Variants in MCMDC2 observed in about 807,000 individuals in gnomAD.
MCMDC2 encodes minichromosome maintenance domain-containing protein 2.
MCMDC2 carries 54 observed loss-of-function variants against 75.8 expected under a neutral mutation model. That is an observed-to-expected ratio of 0.71 (90% CI 0.57 to 0.89). The LOEUF is 0.89. Ranked by LOEUF, MCMDC2 falls within the 40% of genes least tolerant of loss-of-function variation. The pLI is 0.00. For missense variants in MCMDC2, 656 were observed against 780.4 expected, an observed-to-expected ratio of 0.84 and a Z score of 1.90; for synonymous variants, 249 against 274.6, an observed-to-expected ratio of 0.91 and a Z score of 0.92.
chr8:66,897,413 AAAAAAAAG>A (rs369278034), intron 12 of MCMDC2, among the ~76,000 whole-genome samples: 3,851 of 151,568 alleles, frequency 0.025, 60 homozygotes, highest in Admixed American at 0.042. Flanking sequence ...TCTCAAAAAA[AAAAAAAAG>A]AAAAAAAGAA....
chr8:66,872,894 C>G (rs78347277), intron 1 of MCMDC2, among the ~76,000 whole-genome samples: 2 of 140,728 alleles, frequency 1.4e-5, no homozygotes, highest in Admixed American at 7.8e-5. Flanking sequence ...GGGGTGGAGA[C>G]TGGAGTGAGC....
intron 14 of MCMDC2, among the ~76,000 whole-genome samples, chr8:66,910,336 T>G (rs997431402): frequency 2.0e-5 from 3 of 152,158 alleles, no homozygotes; most frequent in Non-Finnish European, 4.4e-5. Context: ...CACCAACAGC[T>G]TGCACCATCA....
At chr8:66,877,672 C>G (rs1460431159) in intron 5 of MCMDC2, 128 bp downstream of exon 5, 2 of 613,350 alleles carry the variant, frequency 3.3e-6, no homozygotes, top group Admixed American at 3.8e-5. Context: ...TGAGACCAGC[C>G]TGGGCAACAT....
At position 66,900,308 on chromosome 8, in the gene MCMDC2, C is replaced by T. The variant is rs556446547; in HGVS notation, c.1627-898C>T. On this transcript the variant is annotated intron_variant, in intron 12 of 14. Transcript: ENST00000422365. ...AAAAAATTAGCTAGGCGTGGTGGTA[C>T]GCGCCTATAATCCCAGCTACTCGGG... Among the ~76,000 whole-genome samples the T allele has an allele frequency of 1.3e-3, 195 of 152,064 alleles. 3 individuals carry two copies. The South Asian group carries it at 0.017, about 13-fold the overall frequency.
intron 1 of MCMDC2, among the ~76,000 whole-genome samples, chr8:66,872,794 C>T (rs1429489128): frequency 6.6e-6 from 1 of 151,948 alleles, no homozygotes; most frequent in Non-Finnish European, 1.5e-5. Flanking sequence ...TCCGTCTCTA[C>T]TAAAAATACA....
intron 12 of MCMDC2, among the ~76,000 whole-genome samples, chr8:66,897,418 A>G (rs1812411410): frequency 6.9e-6 from 1 of 143,970 alleles, no homozygotes; most frequent in Non-Finnish European, 1.6e-5. Flanking sequence ...AAAAAAAAAA[A>G]AAGAAAAAAA....
chr8:66,898,649 A>G (rs1812477529), intron 12 of MCMDC2, among the ~76,000 whole-genome samples: 1 of 151,812 alleles, frequency 6.6e-6, no homozygotes, highest in Non-Finnish European at 1.5e-5. Context: ...AAAAAGATAC[A>G]TAAAATAGTT....
intron 8 of MCMDC2, among the ~76,000 whole-genome samples, chr8:66,883,020 A>T (rs544384034): frequency 6.6e-6 from 1 of 152,278 alleles, no homozygotes; most frequent in South Asian, 2.1e-4. Context: ...ATGGGCATGG[A>T]TGAGTTAGAG....
At chr8:66,879,343 AAC>A (rs1280412259) in intron 7 of MCMDC2, among the ~76,000 whole-genome samples, 16 of 152,220 alleles carry the variant, frequency 1.1e-4, no homozygotes. Context: ...CTGTAATCCC[AAC>A]ATTTTGAGAG....
intron 13 of MCMDC2, among the ~76,000 whole-genome samples, chr8:66,902,308 T>C (rs1345287221): frequency 6.6e-6 from 1 of 151,906 alleles, no homozygotes; most frequent in African/African-American, 2.4e-5. Flanking sequence ...GGAGGATTGC[T>C]TGAGCCCATC....
chr8:66,905,430 A>T, intron 14 of MCMDC2, 95 bp downstream of exon 14: 4 of 1,068,502 alleles, frequency 3.7e-6, no homozygotes, highest in South Asian at 7.4e-5. Flanking sequence ...ATATATTTTT[A>T]AAATATTATT....
rs997430254 is a variant in MCMDC2 at position 66,877,293 on chromosome 8, T to A, written c.286-56T>A. On this transcript the variant is annotated intron_variant, in intron 4 of 14. Transcript: ENST00000422365. The stretch of plus-strand genomic sequence containing the variant: ...TTATAATATACTTACTATATTGTAA[T>A]ACAAGTCAAATTGGATTTGCAATTT... 1.7e-4 allele frequency: 191 copies of A among 1,138,672 alleles called. 1 individual carries two copies. The highest frequency in any genetic ancestry group is 2.4e-4 in the Non-Finnish European group (186 of 787,950). 70.5% of individuals were successfully genotyped at this position (1,138,672 alleles called of 1,614,324 possible).
chr8:66,923,670 G>A (rs1285781461), downstream of MCMDC2, among the ~76,000 whole-genome samples: 1 of 152,084 alleles, frequency 6.6e-6, no homozygotes, highest in Non-Finnish European at 1.5e-5. Flanking sequence ...GTCGGGGCGG[G>A]TGGATCACCT....
At chr8:66,904,953 G>C (rs1332076704) in intron 13 of MCMDC2, among the ~76,000 whole-genome samples, 1 of 152,060 alleles carries the variant, frequency 6.6e-6, no homozygotes, top group Non-Finnish European at 1.5e-5. Flanking sequence ...TTTCCCAACT[G>C]TGTATTTATC....
At chr8:66,907,536 G>A (rs991900675) in intron 14 of MCMDC2, among the ~76,000 whole-genome samples, 7 of 152,242 alleles carry the variant, frequency 4.6e-5, no homozygotes, top group African/African-American at 9.6e-5. Context: ...ATAAACATAC[G>A]TGTGCATGTG....
chr8:66,893,386 G>T (rs540336537), intron 10 of MCMDC2, among the ~76,000 whole-genome samples: 204 of 152,244 alleles, frequency 1.3e-3, no homozygotes, highest in African/African-American at 4.7e-3. Flanking sequence ...GTATTAGTCT[G>T]TTTTCATGTT....
At chr8:66,881,890 G>C (rs1811584398) in intron 8 of MCMDC2, among the ~76,000 whole-genome samples, 2 of 152,204 alleles carry the variant, frequency 1.3e-5, no homozygotes, top group African/African-American at 4.8e-5. Context: ...TCTAAATATA[G>C]AAAAGGCTGA....
At chr8:66,912,269 G>A (rs1813148521) in intron 14 of MCMDC2, among the ~76,000 whole-genome samples, 1 of 152,184 alleles carries the variant, frequency 6.6e-6, no homozygotes, top group Non-Finnish European at 1.5e-5. Flanking sequence ...ATTAGAAGTG[G>A]AACCTGAAGA....
At chr8:66,884,411 T>G (rs1811736265) in intron 9 of MCMDC2, 1 of 174,466 alleles carries the variant, frequency 5.7e-6, no homozygotes, top group African/African-American at 2.4e-5. Flanking sequence ...AATTACTATC[T>G]GGGGGGAACA....
Sources: allele counts gnomAD v4.1 joint callset (sites outside exome capture counted in the v4.1 genomes callset), GRCh38; gene constraint gnomAD v4.1.1; transcripts MANE v1.5; gene names NCBI Gene and HGNC (gene_info 2026-07-23, HGNC 2026-07-21).